SNTG1: variants seen among roughly 807,000 people sequenced by gnomAD.
SNTG1 encodes gamma-1-syntrophin.
In SNTG1, 39 loss-of-function variants were observed where a neutral mutation model predicts 74.7. The observed-to-expected ratio is 0.52, with a 90% CI of 0.40 to 0.68. SNTG1 has a LOEUF of 0.68. SNTG1 is among the 30% of genes least tolerant of loss of function. SNTG1 has a pLI of 0.00. For synonymous variants in SNTG1, 254 were observed against 217.1 expected, an observed-to-expected ratio of 1.17 and a Z score of -1.49; for missense variants, 685 against 609.5, an observed-to-expected ratio of 1.12 and a Z score of -1.30.
At position 50,438,566 on chromosome 8, in the gene SNTG1, A is replaced by G. The variant is rs765215455; in HGVS notation, c.186A>G (p.Arg62=). The G allele has an allele frequency of 2.9e-5, 46 of 1,613,264 alleles. No individual in the cohort carries two copies. The highest frequency in any genetic ancestry group is 7.7e-5 in the South Asian group (7 of 91,068). The part of the protein sequence containing the change: ...YSGERTVTIR[R]QTVGGFGLSI... ...AGGAAAGAACGGTGACCATCAGAAGACAAACAGTAGGAGGATTTGGATTAA... is the reference window on the plus strand; with the variant it reads ...AGGAAAGAACGGTGACCATCAGAAGGCAAACAGTAGGAGGATTTGGATTAA... Residue 62 remains arginine (R), a synonymous_variant, in exon 5 of 19, where the codon AGA becomes AGG. Transcript: ENST00000642720.
intron 8 of SNTG1, chr8:50,456,991 A>T (rs187419875): frequency 6.6e-6 from 1 of 152,292 alleles, no homozygotes; most frequent in East Asian, 1.9e-4. Context: ...AAATTTTCAC[A>T]TAGCTGACAT....
intron 18 of SNTG1, among the ~76,000 whole-genome samples, chr8:50,766,815 C>A (rs2095615050): frequency 6.6e-6 from 1 of 151,794 alleles, no homozygotes; most frequent in South Asian, 2.1e-4. Flanking sequence ...ATTTGCAAAT[C>A]TTTGAAAAAT....
chr8:50,162,290 C>T (rs2082444197), intron 1 of SNTG1, among the ~76,000 whole-genome samples: 1 of 152,066 alleles, frequency 6.6e-6, no homozygotes, highest in African/African-American at 2.4e-5. Flanking sequence ...CGGCCGTGCG[C>T]GGTGGCTCAT....
At chr8:50,211,600 T>C (rs1053922353) in intron 2 of SNTG1, among the ~76,000 whole-genome samples, 1 of 152,122 alleles carries the variant, frequency 6.6e-6, no homozygotes, top group African/African-American at 2.4e-5. Flanking sequence ...TCAGAACTGC[T>C]ATGTATTGCT....
intron 2 of SNTG1, among the ~76,000 whole-genome samples, chr8:50,293,355 C>T (rs1399066660): frequency 6.6e-6 from 1 of 150,860 alleles, no homozygotes; most frequent in African/African-American, 2.4e-5. Context: ...CTAATCTCTT[C>T]TTATATAGAA....
intron 13 of SNTG1, among the ~76,000 whole-genome samples, chr8:50,655,715 C>T (rs947837904): frequency 1.8e-4 from 27 of 152,112 alleles, no homozygotes; most frequent in Non-Finnish European, 2.5e-4. Flanking sequence ...TATGAGTAGA[C>T]GACAGTAATA....
intron 15 of SNTG1, among the ~76,000 whole-genome samples, chr8:50,704,154 T>A (rs899855929): frequency 2.6e-5 from 4 of 152,118 alleles, no homozygotes; most frequent in African/African-American, 9.7e-5. Context: ...CAAATTAGAC[T>A]CATTTTCTTT....
intron 15 of SNTG1, among the ~76,000 whole-genome samples, chr8:50,660,939 C>CTGA (rs2095219694): frequency 6.6e-6 from 1 of 152,052 alleles, no homozygotes; most frequent in African/African-American, 2.4e-5. Flanking sequence ...CTTAAAAACA[C>CTGA]TGATAACTTT....
At chr8:50,634,275 C>A (rs150267999) in intron 13 of SNTG1, among the ~76,000 whole-genome samples, 10 of 152,202 alleles carry the variant, frequency 6.6e-5, no homozygotes, top group African/African-American at 2.4e-4. Context: ...CTACAACTGG[C>A]AGATTAAAGC....
At chr8:49,934,612 G>C (rs1299536410) in intron 1 of SNTG1, among the ~76,000 whole-genome samples, 1 of 152,138 alleles carries the variant, frequency 6.6e-6, no homozygotes, top group Non-Finnish European at 1.5e-5. Flanking sequence ...TAATGATAGA[G>C]TTTGCTCTGG....
At chr8:50,495,263 G>A (rs1585458629) in intron 8 of SNTG1, among the ~76,000 whole-genome samples, 1 of 152,034 alleles carries the variant, frequency 6.6e-6, no homozygotes, top group South Asian at 2.1e-4. Flanking sequence ...AAATTAAAAT[G>A]CAGAAAAAAA....
In SNTG1 at chr8:50,124,246, C is replaced by T. The variant is rs546978905; in HGVS notation, c.-102-48315C>T. On this transcript the variant is annotated intron_variant, in intron 1 of 18. Transcript: ENST00000642720. ...GGGAGAAAATGGCCATTTGCAAGCC[C>T]GTGAGAAAGGCTTTGGGAGAAACCA... 2.8e-5 allele frequency among the ~76,000 whole-genome samples: 4 copies of T among 141,548 alleles called. No homozygotes were observed. In the East Asian group the frequency reaches 6.1e-4, roughly 22 times the overall value. The allele number at this position is 141,548 out of a possible 152,430, so 92.9% of individuals were successfully genotyped here. A position where few individuals can be genotyped will look rare whatever the true frequency, so the allele number is the denominator to read the frequency against.
At chr8:50,390,494 A>G (rs1227284169) in intron 2 of SNTG1, among the ~76,000 whole-genome samples, 2 of 152,222 alleles carry the variant, frequency 1.3e-5, no homozygotes, top group Admixed American at 6.5e-5. Flanking sequence ...GTTTGAAGTC[A>G]GGTAGCTTGA....
At chr8:50,360,526 A>C (rs886407292) in intron 2 of SNTG1, among the ~76,000 whole-genome samples, 2 of 152,152 alleles carry the variant, frequency 1.3e-5, no homozygotes, top group African/African-American at 4.8e-5. Context: ...ATACATTCTG[A>C]GAAATGTGTC....
chr8:50,399,148 T>G (rs2092767909), intron 3 of SNTG1, among the ~76,000 whole-genome samples: 1 of 152,238 alleles, frequency 6.6e-6, no homozygotes, highest in Middle Eastern at 3.4e-3. Context: ...TTTTAACTGA[T>G]CTGTTTTAGC....
chr8:50,707,793 G>T, intron 16 of SNTG1: 2 of 307,780 alleles, frequency 6.5e-6, no homozygotes, highest in East Asian at 4.9e-5. Flanking sequence ...AAAATTAAAT[G>T]CAAATAAAAC....
intron 8 of SNTG1, among the ~76,000 whole-genome samples, chr8:50,488,843 A>T (rs1284566166): frequency 6.6e-6 from 1 of 152,178 alleles, no homozygotes; most frequent in Admixed American, 6.5e-5. Flanking sequence ...TTTGTTACAT[A>T]AGTATAAACG....
chr8:49,983,287 A>G (rs1812848077), intron 1 of SNTG1, among the ~76,000 whole-genome samples: 1 of 152,238 alleles, frequency 6.6e-6, no homozygotes, highest in African/African-American at 2.4e-5. Flanking sequence ...TCATCAAGTA[A>G]AAGTTTAGAG....
chr8:50,066,586 A>C (rs1348456039), intron 1 of SNTG1, among the ~76,000 whole-genome samples: 1 of 152,178 alleles, frequency 6.6e-6, no homozygotes, highest in African/African-American at 2.4e-5. Flanking sequence ...ATGCTATAGC[A>C]ATGAAAATGT....
Sources: allele counts gnomAD v4.1 joint callset (sites outside exome capture counted in the v4.1 genomes callset), GRCh38; gene constraint gnomAD v4.1.1; transcripts MANE v1.5; gene names NCBI Gene and HGNC (gene_info 2026-07-23, HGNC 2026-07-21).